GLI1: variants seen among roughly 807,000 people sequenced by gnomAD.
The protein encoded by GLI1 is GLI family zinc finger 1, also known as transcription activator GLI1.
Under a neutral mutation model 87.8 loss-of-function variants are expected in GLI1, and 51 were observed. The observed-to-expected ratio is 0.58, with a 90% CI of 0.46 to 0.73. The LOEUF (loss-of-function observed/expected upper bound fraction) is 0.73. GLI1 is among the 30% of genes least tolerant of loss of function. The probability of loss-of-function intolerance (pLI) is 0.00; values close to 1 mark genes in which losing one functional copy is unlikely to be tolerated. For missense variants in GLI1, 1,292 were observed against 1,437.2 expected (o/e 0.90, Z 1.63); for synonymous variants, 528 against 558.2 (o/e 0.95, Z 0.76).
rs1871958087 is a variant in GLI1, at chr12:57,471,637, C to T, written c.2897C>T (p.Thr966Ile). 6.2e-7 allele frequency: 1 copy of T among 1,613,630 alleles called. No homozygotes were observed. Reference sequence around the variant, plus strand: ...AATCACAAGTCAGGTTCCTATCCCACCCCTTCACCATGCCATGAAAATTTT... The same window carrying T: ...AATCACAAGTCAGGTTCCTATCCCATCCCTTCACCATGCCATGAAAATTTT... ...LPNHKSGSYP[T>I]PSPCHENFVV... Residue 966 changes from threonine to isoleucine, a missense_variant, in exon 12 of 12, where the codon ACC (threonine) becomes ATC (isoleucine). Physicochemically the swap from Thr to Ile is moderately conservative, Grantham distance 89. Coordinates refer to ENST00000228682, the MANE Select transcript of GLI1 (RefSeq NM_005269.3). This position sits in a 1 kb window ranked among gnomAD's most constrained non-coding sequence, Gnocchi z 4.9.
At chr12:57,463,901 G>A (rs1871310127) in intron 2 of GLI1, 98 bp from the exon 3 acceptor site, 3 of 1,111,504 alleles carry the variant, frequency 2.7e-6, no homozygotes, top group Admixed American at 1.7e-5. Flanking sequence ...GAGGCCCCAT[G>A]TCATATGGAC....
At chr12:57,463,873 C>G in intron 2 of GLI1, 82 bp downstream of exon 2, 1 of 1,046,376 alleles carries the variant, frequency 9.6e-7, no homozygotes, top group South Asian at 1.3e-5. Context: ...TGCCAGTTTC[C>G]TATCTACAGG....
At position 57,465,850 on chromosome 12, in the gene GLI1, T is replaced by C; in HGVS notation, c.687T>C (p.Pro229=). ...TCGAGAGAGAGGAGAAGCGTGAGCC[T>C]GAATCTGTGTATGAAACTGACTGCC... ...EDLEREEKRE[P]ESVYETDCRW... Residue 229 remains proline (P), a synonymous_variant, in exon 7 of 12, where the codon CCT becomes CCC. Coordinates refer to ENST00000228682, the MANE Select transcript of GLI1 (RefSeq NM_005269.3). The C allele has an allele frequency of 6.2e-7, 1 of 1,613,972 alleles. No homozygotes were observed. Among genetic ancestry groups the C allele is most frequent in the Non-Finnish European group, 8.5e-7 (1 of 1,179,814 alleles).
chr12:57,462,068 T>A (rs533178389), intron 1 of GLI1, among the ~76,000 whole-genome samples: 8 of 152,256 alleles, frequency 5.3e-5, no homozygotes, highest in African/African-American at 1.4e-4. Flanking sequence ...AGCTAGGCAG[T>A]GGGGCAGAAA....
chr12:57,460,533 G>A (rs1312719667), intron 1 of GLI1: 1 of 152,594 alleles, frequency 6.6e-6, no homozygotes, highest in African/African-American at 2.4e-5. Context: ...CTGGAGGTCT[G>A]CGTTGTAGAG....
At chr12:57,468,430 C>G (rs1871642395) in intron 10 of GLI1, among the ~76,000 whole-genome samples, 1 of 151,952 alleles carries the variant, frequency 6.6e-6, no homozygotes, top group South Asian at 2.1e-4. Context: ...CACTCTCTTT[C>G]TCTCTCTCCT....
chr12:57,464,057 T>C lies in GLI1; in HGVS notation c.159T>C (p.Tyr53=), dbSNP rs544554516. 6.2e-6 allele frequency: 10 copies of C among 1,613,472 alleles called. No individual in the cohort carries two copies. The East Asian group carries it at 8.9e-5, about 14-fold the overall frequency. The change falls in exon 3 of 12, where the codon TAT becomes TAC. Residue 53 remains tyrosine (Y), a synonymous_variant. Coordinates refer to ENST00000228682, the MANE Select transcript of GLI1 (RefSeq NM_005269.3). ...QANLMSGPHS[Y]GPARETNSCT... ...ACCTCATGTCCGGCCCCCACAGTTA[T>C]GGGCCAGCCAGAGAGACCAACAGCT...
chr12:57,465,092 T>G lies in GLI1; in HGVS notation c.390-19T>G. The G allele has an allele frequency of 6.2e-7, 1 of 1,613,016 alleles. No homozygotes were observed. The highest frequency in any genetic ancestry group is 1.3e-5 in the African/African-American group (1 of 75,056). ...AGACTTCCTAATTGTCTTAAGTAAC[T>G]GCCTCCTCTCCTCCTCAGCCCATCT... On this transcript the variant is annotated intron_variant, in intron 4 of 11. Coordinates refer to ENST00000228682, the MANE Select transcript of GLI1 (RefSeq NM_005269.3).
Position 57,471,429 on chromosome 12 carries a change from C to T in GLI1, c.2689C>T (p.Leu897Phe). ...THSTGQLKAQ[L>F]VCNYVQSQQE... Reference sequence around the variant, plus strand: ...TTCCACAGGGCAGCTCAAGGCTCAGCTTGTGTGTAATTATGTTCAATCTCA... The same window carrying T: ...TTCCACAGGGCAGCTCAAGGCTCAGTTTGTGTGTAATTATGTTCAATCTCA... The change falls in exon 12 of 12, where the codon CTT (leucine) becomes TTT (phenylalanine). Residue 897 changes from leucine (L) to phenylalanine (F), a missense_variant. Physicochemically the swap from Leu to Phe is conservative, Grantham distance 22. This residue lies in a region of GLI1 where 897 missense variants were observed against 1,040.7 expected (regional missense o/e 0.86). Coordinates refer to ENST00000228682, the MANE Select transcript of GLI1 (RefSeq NM_005269.3). The surrounding 1 kb of genome is among the most constrained non-coding windows in gnomAD (Gnocchi z 4.9). 6.2e-7 allele frequency: 1 copy of T among 1,613,848 alleles called. No individual in the cohort carries two copies. Among genetic ancestry groups the T allele is most frequent in the South Asian group, 1.1e-5 (1 of 91,078 alleles).
chr12:57,468,229 G>A lies in GLI1; in HGVS notation c.1308+5G>A. On this transcript the variant is annotated splice_donor_5th_base_variant and intron_variant, in intron 10 of 11. Transcript: ENST00000228682. ...ACTGTGCCAGAGGGTGCCATGGTGA[G>A]AGAGCCCAGGCAACCCTCACCTCCA... The A allele has an allele frequency of 3.1e-6, 5 of 1,599,088 alleles. No homozygotes were observed. The highest frequency in any genetic ancestry group is 4.3e-6 in the Non-Finnish European group (5 of 1,166,684).
intron 1 of GLI1, among the ~76,000 whole-genome samples, chr12:57,463,214 C>A (rs143390300): frequency 5.3e-5 from 8 of 152,060 alleles, no homozygotes; most frequent in African/African-American, 1.9e-4. Flanking sequence ...CCTCACTCAG[C>A]GAGTGATGCT....
chr12:57,466,760 T>C (rs1441510490), intron 8 of GLI1, among the ~76,000 whole-genome samples: 1 of 151,976 alleles, frequency 6.6e-6, no homozygotes, highest in Non-Finnish European at 1.5e-5. Context: ...AAAAATTAGC[T>C]GGGCGTGGTG....
chr12:57,463,154 C>G (rs1183197906), intron 1 of GLI1, among the ~76,000 whole-genome samples: 1 of 152,178 alleles, frequency 6.6e-6, no homozygotes, highest in Non-Finnish European at 1.5e-5. Context: ...AGTACACAGA[C>G]TACAAGACTG....
chr12:57,470,412 C>A lies in GLI1; in HGVS notation c.1672C>A (p.Arg558Ser). 1.2e-6 allele frequency: 2 copies of A among 1,614,052 alleles called. No homozygotes were observed. The highest frequency in any genetic ancestry group is 1.7e-6 in the Non-Finnish European group (2 of 1,179,946). The change falls in exon 12 of 12, where the codon CGC (arginine) becomes AGC (serine). Residue 558 changes from arginine (R) to serine (S), a missense_variant. Around this residue, in one of 3 missense-constraint regions of GLI1, gnomAD observed 897 missense variants for 1,040.7 expected, o/e 0.86. Transcript: ENST00000228682. ...CAGCTCTGCCTATACTGTCAGCCGC[C>A]GCTCCTCCCTGGCCTCTCCTTTCCC... ...SISSAYTVSR[R>S]SSLASPFPPG...
chr12:57,470,154 C>A (rs1378899034), intron 11 of GLI1, among the ~76,000 whole-genome samples, 163 bp from the exon 12 acceptor site: 6 of 152,190 alleles, frequency 3.9e-5, no homozygotes, highest in Non-Finnish European at 8.8e-5. Flanking sequence ...TCCTTGGTAA[C>A]CCAGAAACAG....
chr12:57,464,878 G>A lies in GLI1; in HGVS notation c.389+10G>A, dbSNP rs752577456. On this transcript the variant is annotated intron_variant, in intron 4 of 11. Transcript: ENST00000228682. ...CCATTGGCACCATGAGGTGCAGTCA[G>A]CCCCGGGCCAAGAGGCCCCTAAAGC... 6.2e-7 allele frequency: 1 copy of A among 1,605,604 alleles called. No homozygotes were observed. Among genetic ancestry groups the A allele is most frequent in the Non-Finnish European group, 8.5e-7 (1 of 1,172,728 alleles).
chr12:57,465,144 C>A lies in GLI1; in HGVS notation c.423C>A (p.His141Gln), dbSNP rs2139853272. The change falls in exon 5 of 12, where the codon CAC (histidine) becomes CAA (glutamine). Residue 141 changes from histidine (H) to glutamine (Q), a missense_variant. By Grantham distance (24) the His-to-Gln change is conservative (BLOSUM62 0). Coordinates refer to ENST00000228682, the MANE Select transcript of GLI1 (RefSeq NM_005269.3). Reference sequence around the variant, plus strand: ...TGGGATTCCCAGCCCAGATGAATCACCAAAAAGGGCCCTCGCCTTCCTTTG... The same window carrying A: ...TGGGATTCCCAGCCCAGATGAATCAACAAAAAGGGCCCTCGCCTTCCTTTG... Reference protein sequence around the residue: ...PSLGFPAQMNHQKGPSPSFGV... With the variant: ...PSLGFPAQMNQQKGPSPSFGV... 1.2e-6 allele frequency: 2 copies of A among 1,614,140 alleles called. No homozygotes were observed. The highest frequency in any genetic ancestry group is 2.2e-5 in the South Asian group (2 of 91,082).
At position 57,464,836 on chromosome 12, in the gene GLI1, C is replaced by T. The variant is rs746329155; in HGVS notation, c.357C>T (p.Gly119=). The change falls in exon 4 of 12, where the codon GGC becomes GGT. Residue 119 remains glycine (G), a synonymous_variant. Coordinates refer to ENST00000228682, the MANE Select transcript of GLI1 (RefSeq NM_005269.3). ...FINSRCTSPG[G]SYGHLSIGTM... is the part of the protein sequence containing the mutation. ...ACTCGCGATGCACATCTCCAGGAGG[C>T]TCCTACGGTCATCTCTCCATTGGCA... is the stretch of plus-strand genomic sequence containing the variant. The T allele has an allele frequency of 6.2e-7, 1 of 1,613,806 alleles. No homozygotes were observed. Among genetic ancestry groups the T allele is most frequent in the Non-Finnish European group, 8.5e-7 (1 of 1,179,798 alleles).
intron 1 of GLI1, among the ~76,000 whole-genome samples, chr12:57,463,332 C>G (rs1399257990): frequency 6.6e-6 from 1 of 152,200 alleles, no homozygotes; most frequent in Non-Finnish European, 1.5e-5. Flanking sequence ...ATTCTTCTGC[C>G]TCAGCCTTCC....
Sources: gnomAD v4.1 joint callset for allele counts (sites outside exome capture counted in the v4.1 genomes callset) on GRCh38, gnomAD v4.1.1 for gene constraint, gnomAD v4.1.1 regional missense constraint, Gnocchi (gnomAD v3.1) non-coding constraint, MANE v1.5 for transcripts, NCBI Gene and HGNC (gene_info 2026-07-23, HGNC 2026-07-21) for gene names.